Variants in SENP2 observed in about 807,000 individuals in gnomAD.
SENP2 encodes the protein SUMO specific peptidase 2.
Under a neutral mutation model 86.3 loss-of-function variants are expected in SENP2, and 16 were observed. The ratio of observed to expected loss-of-function variants is 0.19; its 90% CI spans 0.13 to 0.28. The LOEUF (loss-of-function observed/expected upper bound fraction) is 0.28, where lower values mean the gene tolerates loss of function less well. Among genes scored for constraint, SENP2 ranks in the 10% least tolerant of loss-of-function variants. The pLI, the probability that SENP2 is intolerant of heterozygous loss-of-function variation, is 1.00. For synonymous variants in SENP2, 222 were observed against 238.7 expected (o/e 0.93, Z 0.64); for missense variants, 552 against 703.0 (o/e 0.79, Z 2.43).
At chr3:185,611,292 C>A (rs377073134) in intron 7 of SENP2, among the ~76,000 whole-genome samples, 1 of 152,202 alleles carries the variant, frequency 6.6e-6, no homozygotes, top group East Asian at 1.9e-4. Flanking sequence ...ACAAAAAGTT[C>A]TTGCTTTTAA....
chr3:185,594,365 T>C (rs1377684701), intron 2 of SENP2, among the ~76,000 whole-genome samples: 1 of 152,176 alleles, frequency 6.6e-6, no homozygotes, highest in African/African-American at 2.4e-5. Context: ...GCAGAGTTTG[T>C]AAAGGCCTGT....
chr3:185,630,035 G>A lies in SENP2; in HGVS notation c.*191G>A. 1.7e-6 allele frequency: 1 copy of A among 586,314 alleles called. No individual in the cohort carries two copies. The highest frequency in any genetic ancestry group is 2.0e-5 in the South Asian group (1 of 50,722). 36.3% of individuals were successfully genotyped at this position (586,314 alleles called of 1,614,324 possible). On this transcript the variant is annotated 3_prime_UTR_variant, in exon 17 of 17. Coordinates refer to ENST00000296257, the MANE Select transcript of SENP2 (RefSeq NM_021627.3). ...GGTGCAGAGGGCTGCTTGCAATCCT[G>A]TTTGTAAGGCTGTGCCTGCTCAGAG...
At position 185,626,316 on chromosome 3, in the gene SENP2, A is replaced by G; in HGVS notation, c.1630A>G (p.Asn544Asp). The G allele has an allele frequency of 6.2e-7, 1 of 1,610,552 alleles. No individual in the cohort carries two copies. The highest frequency in any genetic ancestry group is 8.5e-7 in the Non-Finnish European group (1 of 1,177,532). ...MKPHEIPQQL[N>D]GSDCGMFTCK... ...ATTTTAGGAGATTCCTCAACAGCTG[A>G]ATGGGAGTGATTGTGGAATGTTTAC... Residue 544 changes from asparagine to aspartate, a missense_variant, in exon 16 of 17, where the codon AAT (asparagine) becomes GAT (aspartate). By Grantham distance (23) the Asn-to-Asp change is conservative (BLOSUM62 1). Around this residue, in one of 2 missense-constraint regions of SENP2, gnomAD observed 169 missense variants for 275.7 expected, o/e 0.61. Transcript: ENST00000296257.
chr3:185,591,620 G>A (rs1330930611), intron 2 of SENP2, among the ~76,000 whole-genome samples: 1 of 152,172 alleles, frequency 6.6e-6, no homozygotes, highest in African/African-American at 2.4e-5. Context: ...CAAAGTGCTG[G>A]GATTACAGGC....
Position 185,614,609 on chromosome 3 carries a change from G to T in SENP2, c.979G>T (p.Ala327Ser). Reference sequence around the variant, plus strand: ...GCCTGACCTATCAGAAGAAGTGTCGGCCCGACTCCGCCTGGGCAGTGGAAG... The same window carrying T: ...GCCTGACCTATCAGAAGAAGTGTCGTCCCGACTCCGCCTGGGCAGTGGAAG... ...LEPDLSEEVS[A>S]RLRLGSGSNG... Residue 327 changes from alanine to serine, a missense_variant, in exon 11 of 17, where the codon GCC (alanine) becomes TCC (serine). Physicochemically the swap from Ala to Ser is moderately conservative, Grantham distance 99. Around this residue, in one of 2 missense-constraint regions of SENP2, gnomAD observed 383 missense variants for 427.3 expected, o/e 0.90. Coordinates refer to ENST00000296257, the MANE Select transcript of SENP2 (RefSeq NM_021627.3). 6.2e-7 allele frequency: 1 copy of T among 1,614,162 alleles called. No individual in the cohort carries two copies.
intron 5 of SENP2, among the ~76,000 whole-genome samples, chr3:185,603,856 T>C (rs1211831777): frequency 6.6e-6 from 1 of 152,194 alleles, no homozygotes; most frequent in Non-Finnish European, 1.5e-5. Flanking sequence ...GTGTGGTGGC[T>C]CACACCTGTA....
At chr3:185,604,080 C>T (rs1003692954) in intron 5 of SENP2, among the ~76,000 whole-genome samples, 5 of 152,118 alleles carry the variant, frequency 3.3e-5, no homozygotes, top group African/African-American at 1.2e-4. Flanking sequence ...GAGATTGGGC[C>T]ACTGCGCTCC....
chr3:185,618,896 A>G (rs961245509), intron 12 of SENP2, among the ~76,000 whole-genome samples: 11 of 152,178 alleles, frequency 7.2e-5, no homozygotes, highest in African/African-American at 2.4e-4. Flanking sequence ...AAGTATCACC[A>G]CTCAGAGATA....
chr3:185,586,637 CG>C lies in SENP2; in HGVS notation c.101+124del. The C allele has an allele frequency of 1.2e-6, 1 of 859,278 alleles. No individual in the cohort carries two copies. The highest frequency in any genetic ancestry group is 1.8e-6 in the Non-Finnish European group (1 of 546,886). 53.2% of individuals were successfully genotyped at this position (859,278 alleles called of 1,614,324 possible). On this transcript the variant is annotated intron_variant, in intron 1 of 16. Coordinates refer to ENST00000296257, the MANE Select transcript of SENP2 (RefSeq NM_021627.3). This position sits in a 1 kb window ranked among gnomAD's most constrained non-coding sequence, Gnocchi z 4.3. The stretch of plus-strand genomic sequence containing the variant: ...AAACAGGTCGCCGGGATCCTAGTGA[CG>C]TAGTCGCTCCCGCCAGGCTGTAGGG...
At chr3:185,595,893 C>T (rs777799335) in intron 2 of SENP2, among the ~76,000 whole-genome samples, 3 of 151,406 alleles carry the variant, frequency 2.0e-5, no homozygotes, top group Non-Finnish European at 4.4e-5. Context: ...CTCTACCTCC[C>T]GGGTTCCAAC....
chr3:185,620,065 TA>T (rs1214073371), intron 13 of SENP2, among the ~76,000 whole-genome samples: 41 of 149,652 alleles, frequency 2.7e-4, no homozygotes, highest in African/African-American at 3.4e-4. Context: ...TTTTTTTTTT[TA>T]AATTTTTATT....
At chr3:185,610,842 C>T (rs1722665436) in intron 7 of SENP2, among the ~76,000 whole-genome samples, 1 of 152,174 alleles carries the variant, frequency 6.6e-6, no homozygotes, top group African/African-American at 2.4e-5. Context: ...CCTGTAGTCC[C>T]ACCTACTCGG....
At position 185,620,330 on chromosome 3, in the gene SENP2, G is replaced by C. The variant is rs554266682; in HGVS notation, c.1446+828G>C. Among the ~76,000 whole-genome samples, 9 of 152,224 alleles carry C rather than the reference G, an allele frequency of 5.9e-5. No individual in the cohort carries two copies. In the South Asian group the frequency reaches 1.9e-3, roughly 32 times the overall value. On this transcript the variant is annotated intron_variant, in intron 13 of 16. Coordinates refer to ENST00000296257, the MANE Select transcript of SENP2 (RefSeq NM_021627.3). The stretch of plus-strand genomic sequence containing the variant: ...GGCTTTAAGCAGTCCTCCCACCTCA[G>C]CCTCTCAGAATGATGGGTGAGATGC...
In SENP2 at chr3:185,630,181, T is replaced by G. The variant is rs76764785; in HGVS notation, c.*337T>G. The stretch of plus-strand genomic sequence containing the variant: ...CTGTGAATTGTTTGTTTCTGTGTGT[T>G]TGTTCAGCGTATTCATTCACTCACT... On this transcript the variant is annotated 3_prime_UTR_variant, in exon 17 of 17. Transcript: ENST00000296257. 8.0e-3 allele frequency: 1,814 copies of G among 227,292 alleles called. 39 individuals carry two copies. The highest frequency in any genetic ancestry group is 0.037 in the African/African-American group (1,705 of 45,956). The allele number at this position is 227,292 out of a possible 1,614,324, so 14.1% of individuals were successfully genotyped here. A position where few individuals can be genotyped will look rare whatever the true frequency, so the allele number is the denominator to read the frequency against.
At chr3:185,587,640 C>A (rs1431856868) in intron 1 of SENP2, among the ~76,000 whole-genome samples, 1 of 142,386 alleles carries the variant, frequency 7.0e-6, no homozygotes, top group African/African-American at 2.6e-5. Context: ...AATCTCGGCT[C>A]ACTGCAAGCT....
chr3:185,623,878 G>T, intron 14 of SENP2, 120 bp from the exon 15 acceptor site: 1 of 393,370 alleles, frequency 2.5e-6, no homozygotes. Context: ...TTTTTAAAAA[G>T]CTAATGAATA....
chr3:185,624,028 A>G lies in SENP2; in HGVS notation c.1557A>G (p.Lys519=). 1 of 1,612,684 alleles carries G rather than the reference A, an allele frequency of 6.2e-7. No individual in the cohort carries two copies. Among genetic ancestry groups the G allele is most frequent in the Non-Finnish European group, 8.5e-7 (1 of 1,179,264 alleles). ...LQYLQDESKT[K]RNSDLNLLEW... ...ATTTACAGGATGAAAGTAAGACCAAAAGAAATAGTGATCTGAATCTTTTAG... is the reference window on the plus strand; with the variant it reads ...ATTTACAGGATGAAAGTAAGACCAAGAGAAATAGTGATCTGAATCTTTTAG... The change falls in exon 15 of 17, where the codon AAA becomes AAG. Residue 519 remains lysine (K), a synonymous_variant. Coordinates refer to ENST00000296257, the MANE Select transcript of SENP2 (RefSeq NM_021627.3).
intron 2 of SENP2, among the ~76,000 whole-genome samples, chr3:185,592,414 G>T (rs1160007912): frequency 6.6e-6 from 1 of 151,958 alleles, no homozygotes; most frequent in African/African-American, 2.4e-5. Flanking sequence ...AAAGGAAAAA[G>T]GCATAGTAAA....
rs753562841 is a variant in SENP2 at position 185,590,091 on chromosome 3, AT to A, written c.102-16del. On this transcript the variant is annotated intron_variant, in intron 1 of 16. Transcript: ENST00000296257. ...TGTGTGTGTAAATCTATATATATAT[AT>A]TTTTTTCTTTCTCTTTTTCAGCACT... 6.1e-5 allele frequency: 82 copies of A among 1,353,834 alleles called. 1 individual carries two copies. The Middle Eastern group carries it at 2.6e-3, about 44-fold the overall frequency. The allele number at this position is 1,353,834 out of a possible 1,614,324, so 83.9% of individuals were successfully genotyped here.
Sources: allele counts gnomAD v4.1 joint callset (sites outside exome capture counted in the v4.1 genomes callset), GRCh38; gene constraint gnomAD v4.1.1; regional missense constraint gnomAD v4.1.1; non-coding constraint Gnocchi (gnomAD v3.1); transcripts MANE v1.5; gene names NCBI Gene and HGNC (gene_info 2026-07-23, HGNC 2026-07-21).